The following NAAA variants were observed in gnomAD, a reference collection of about 807,000 sequenced individuals.
NAAA encodes the protein N-acylethanolamine-hydrolyzing acid amidase.
NAAA carries 39 observed loss-of-function variants against 44.8 expected under a neutral mutation model. The ratio of observed to expected loss-of-function variants is 0.87; its 90% confidence interval spans 0.67 to 1.14. The LOEUF (loss-of-function observed/expected upper bound fraction) is 1.14, where lower values mean the gene tolerates loss of function less well. Among genes scored for constraint, NAAA ranks in the 50% most tolerant of loss-of-function variants. The pLI is 0.00. For synonymous variants in NAAA, 178 were observed against 191.3 expected, an observed-to-expected ratio of 0.93 and a Z score of 0.58; for missense variants, 460 against 467.8, an observed-to-expected ratio of 0.98 and a Z score of 0.15.
chr4:75,933,339 G>T (rs1727410287), intron 3 of NAAA, among the ~76,000 whole-genome samples: 1 of 152,054 alleles, frequency 6.6e-6, no homozygotes, highest in African/African-American at 2.4e-5. Context: ...TTACAAGGGA[G>T]AATGCAGTGT....
chr4:75,933,000 T>G (rs1727372125), intron 3 of NAAA, among the ~76,000 whole-genome samples: 5 of 151,812 alleles, frequency 3.3e-5, no homozygotes, highest in Admixed American at 3.3e-4. Flanking sequence ...CTGGGTGTGG[T>G]GGCACGCACC....
intron 4 of NAAA, chr4:75,930,510 T>C (rs777196256): frequency 3.5e-5 from 18 of 518,004 alleles, no homozygotes; most frequent in Non-Finnish European, 5.8e-5. Flanking sequence ...AGGATGTACA[T>C]GGTAAACCAG....
Position 75,913,884 on chromosome 4 carries a change from A to G in NAAA, c.*491T>C. On this transcript the variant is annotated 3_prime_UTR_variant, in exon 11 of 11. Coordinates refer to ENST00000286733, the MANE Select transcript of NAAA (RefSeq NM_014435.4). ...GAAACACATGATCAAAGATCAGACTAACACACATTCAAACAGGCTTGGTTC... is the reference window on the plus strand; with the variant it reads ...GAAACACATGATCAAAGATCAGACTGACACACATTCAAACAGGCTTGGTTC... The G allele has an allele frequency of 1.0e-6, 1 of 985,320 alleles. No homozygotes were observed. The highest frequency in any genetic ancestry group is 1.2e-6 in the Non-Finnish European group (1 of 829,806). 61.0% of individuals were successfully genotyped at this position (985,320 alleles called of 1,614,324 possible).
Position 75,914,345 on chromosome 4 carries a change from G to C in NAAA, c.*37-7C>G, listed in dbSNP as rs1236273215. 1 of 973,132 alleles carries C rather than the reference G, an allele frequency of 1.0e-6. No individual in the cohort carries two copies. Among genetic ancestry groups the C allele is most frequent in the Non-Finnish European group, 1.2e-6 (1 of 819,608 alleles). The allele number at this position is 973,132 out of a possible 1,614,324, so 60.3% of individuals were successfully genotyped here. On this transcript the variant is annotated splice_region_variant and splice_polypyrimidine_tract_variant and intron_variant, in intron 10 of 10. Transcript: ENST00000286733. Reference sequence around the variant, plus strand: ...TCATTTTTTAAAAAATCATCTGTAAGGGAAGAAAAAAACGCATTTAATTCA... The same window carrying C: ...TCATTTTTTAAAAAATCATCTGTAACGGAAGAAAAAAACGCATTTAATTCA...
rs777433295 is a variant in NAAA at position 75,921,024 on chromosome 4, G to C, written c.766C>G (p.Arg256Gly). 1.2e-6 allele frequency: 2 copies of C among 1,608,088 alleles called. No homozygotes were observed. The highest frequency in any genetic ancestry group is 1.3e-5 in the African/African-American group (1 of 74,442). ...VYYIVGGTSP[R>G]EGVVITRNRD... The stretch of plus-strand genomic sequence containing the variant: ...TTCCTCGTGATGACCACCCCCTCCC[G>C]GGGGGACGTGCCACCAACAATGTAA... The change falls in exon 6 of 11, where the codon CGG becomes GGG. Residue 256 changes from arginine (R) to glycine (G), a missense_variant. Physicochemically the swap from Arg to Gly is moderately radical, Grantham distance 125. Coordinates refer to ENST00000286733, the MANE Select transcript of NAAA (RefSeq NM_014435.4).
At chr4:75,940,263 G>C (rs1218537671) in intron 1 of NAAA, 98 bp from the exon 2 acceptor site, 1 of 1,343,538 alleles carries the variant, frequency 7.4e-7, no homozygotes, top group Non-Finnish European at 1.0e-6. Flanking sequence ...TAGGGCGTGA[G>C]GTCTCAGGGC....
Position 75,918,701 on chromosome 4 carries a change from G to A in NAAA, c.998+60C>T, listed in dbSNP as rs749281241. On this transcript the variant is annotated intron_variant, in intron 9 of 10. Coordinates refer to ENST00000286733, the MANE Select transcript of NAAA (RefSeq NM_014435.4). ...AGATCCTTGCTGAGCCAAACAGTAC[G>A]TGAGTGAGTTCACTGTTCTGGAGTG... 6.6e-5 allele frequency: 103 copies of A among 1,564,262 alleles called. 1 individual carries two copies. In the East Asian group the frequency reaches 7.9e-4, roughly 12 times the overall value.
chr4:75,921,925 C>T (rs550458489), intron 5 of NAAA, among the ~76,000 whole-genome samples: 30 of 152,262 alleles, frequency 2.0e-4, no homozygotes, highest in Non-Finnish European at 3.1e-4. Flanking sequence ...GATCACTCCC[C>T]AAATCTTCAG....
intron 4 of NAAA, among the ~76,000 whole-genome samples, chr4:75,928,878 C>T (rs539480880): frequency 6.6e-6 from 1 of 151,934 alleles, no homozygotes; most frequent in South Asian, 2.1e-4. Flanking sequence ...AGCTCCACCT[C>T]CCGGGTTCAC....
At chr4:75,918,849 A>G in intron 8 of NAAA, 60 bp from the exon 9 acceptor site, 1 of 1,500,452 alleles carries the variant, frequency 6.7e-7, no homozygotes, top group Non-Finnish European at 9.3e-7. Context: ...TACACATAGA[A>G]TATCTATGGA....
Position 75,913,714 on chromosome 4 carries a change from C to T in NAAA, c.*661G>A, listed in dbSNP as rs78662409. 58,644 of 980,950 alleles carry T rather than the reference C, an allele frequency of 0.06. 2,595 individuals are homozygous for T. The highest frequency in any genetic ancestry group is 0.22 in the African/African-American group (12,411 of 57,026). 60.8% of individuals were successfully genotyped at this position (980,950 alleles called of 1,614,324 possible). ...CAACATTTCTTTTGACATTTTATTA[C>T]TTAATTATGTGACATTAAGAAATAA... is the stretch of plus-strand genomic sequence containing the variant. On this transcript the variant is annotated 3_prime_UTR_variant, in exon 11 of 11. Transcript: ENST00000286733.
rs1185793417 is a variant in NAAA at position 75,921,028 on chromosome 4, G to GGAC, written c.759_761dup (p.Ser254dup). On this transcript the variant is annotated inframe_insertion, in exon 6 of 11. Coordinates refer to ENST00000286733, the MANE Select transcript of NAAA (RefSeq NM_014435.4). ...TCGTGATGACCACCCCCTCCCGGGG[G>GGAC]GACGTGCCACCAACAATGTAATAAA... 4 of 1,608,554 alleles carry GGAC rather than the reference G, an allele frequency of 2.5e-6. No homozygotes were observed. The highest frequency in any genetic ancestry group is 1.1e-5 in the South Asian group (1 of 89,774).
chr4:75,929,636 G>A (rs1230633415), intron 4 of NAAA, among the ~76,000 whole-genome samples: 1 of 152,178 alleles, frequency 6.6e-6, no homozygotes, highest in African/African-American at 2.4e-5. Flanking sequence ...TTGTCATGCT[G>A]TGGTTTGGGT....
At chr4:75,937,555 G>A (rs556954903) in intron 2 of NAAA, among the ~76,000 whole-genome samples, 5 of 151,938 alleles carry the variant, frequency 3.3e-5, no homozygotes, top group African/African-American at 9.7e-5. Context: ...GTGCAATGTC[G>A]GCTCACTGCA....
chr4:75,936,902 T>G (rs934605534), intron 2 of NAAA, among the ~76,000 whole-genome samples: 7 of 152,234 alleles, frequency 4.6e-5, no homozygotes, highest in African/African-American at 1.7e-4. Flanking sequence ...AAAAAATATT[T>G]ATATACAGTA....
At chr4:75,912,009 A>T (rs1245195443), downstream of NAAA, among the ~76,000 whole-genome samples, 3 of 152,216 alleles carry the variant, frequency 2.0e-5, no homozygotes, top group African/African-American at 4.8e-5. Flanking sequence ...CCAGCCTGTG[A>T]GGCTAGAAGG....
intron 10 of NAAA, 125 bp from the exon 11 acceptor site, chr4:75,914,463 C>T: frequency 3.3e-6 from 1 of 306,294 alleles, no homozygotes; most frequent in Non-Finnish European, 4.8e-6. Context: ...CAAACTCCAC[C>T]TCCCGAGTTC....
At chr4:75,939,781 G>C in intron 2 of NAAA, 1 of 559,960 alleles carries the variant, frequency 1.8e-6, no homozygotes, top group South Asian at 2.2e-5. Flanking sequence ...TACACGTAGA[G>C]GGAAAGTTTA....
In NAAA at chr4:75,940,338, G is replaced by C. The variant is rs7694898; in HGVS notation, c.207-173C>G. 1.6e-4 allele frequency: 102 copies of C among 642,644 alleles called. 2 individuals are homozygous for C. In the South Asian group the frequency reaches 2.2e-3, roughly 14 times the overall value. The allele number at this position is 642,644 out of a possible 1,614,324, so 39.8% of individuals were successfully genotyped here. A position where few individuals can be genotyped will look rare whatever the true frequency, so the allele number is the denominator to read the frequency against. On this transcript the variant is annotated intron_variant, in intron 1 of 10. Coordinates refer to ENST00000286733, the MANE Select transcript of NAAA (RefSeq NM_014435.4). The stretch of plus-strand genomic sequence containing the variant: ...ACTCAATCTGCAGCCTCCCGGGAGT[G>C]GGGGGAAGGGGGCGGGGGGAAGGCG...
Sources: allele counts gnomAD v4.1 joint callset (sites outside exome capture counted in the v4.1 genomes callset), GRCh38; gene constraint gnomAD v4.1.1; transcripts MANE v1.5; gene names NCBI Gene and HGNC (gene_info 2026-07-23, HGNC 2026-07-21).